Variants in MAN2B1 observed in about 807,000 individuals in gnomAD.
MAN2B1 encodes lysosomal alpha-mannosidase.
Under a neutral mutation model 127.5 loss-of-function variants are expected in MAN2B1, and 99 were observed. That is an observed-to-expected ratio of 0.78 (90% confidence interval 0.66 to 0.92). The LOEUF is 0.92. Ranked by LOEUF, MAN2B1 falls within the 40% of genes least tolerant of loss-of-function variation. The pLI is 0.00. For synonymous variants in MAN2B1, 573 were observed against 568.8 expected (o/e 1.01, Z -0.11); for missense variants, 1,304 against 1,384.8 (o/e 0.94, Z 0.93).
intron 7 of MAN2B1, chr19:12,658,798 G>GT: frequency 2.2e-6 from 1 of 453,138 alleles, no homozygotes; most frequent in South Asian, 2.1e-5. Flanking sequence ...GAAAAACTAA[G>GT]TGTGACATTA....
intron 6 of MAN2B1, among the ~76,000 whole-genome samples, chr19:12,661,827 A>G (rs2024111810): frequency 6.6e-6 from 1 of 151,254 alleles, no homozygotes; most frequent in South Asian, 2.1e-4. Context: ...GTCTCAAGAA[A>G]AAAAAAAAAA....
chr19:12,647,401 C>G lies in MAN2B1; in HGVS notation c.2820+42G>C. On this transcript the variant is annotated intron_variant, in intron 22 of 23. Coordinates refer to ENST00000456935, the MANE Select transcript of MAN2B1 (RefSeq NM_000528.4). This position sits in a 1 kb window ranked among gnomAD's most constrained non-coding sequence, Gnocchi z 4.9. ...CCAGGTTTCTCTTCTCTCCCTCTCT[C>G]TTGCCTCTCTCCGATCTCCTTCTCA... The G allele has an allele frequency of 6.2e-7, 1 of 1,613,074 alleles. No homozygotes were observed. Among genetic ancestry groups the G allele is most frequent in the Non-Finnish European group, 8.5e-7 (1 of 1,179,000 alleles).
At chr19:12,657,597 A>G (rs1299720670) in intron 10 of MAN2B1, 42 bp from the exon 11 acceptor site, 2 of 1,502,642 alleles carry the variant, frequency 1.3e-6, no homozygotes, top group Non-Finnish European at 1.8e-6. Flanking sequence ...TGTGGGACTC[A>G]GCTGAGACCC....
At chr19:12,651,736 C>T (rs2023844384) in intron 16 of MAN2B1, among the ~76,000 whole-genome samples, 1 of 152,154 alleles carries the variant, frequency 6.6e-6, no homozygotes, top group African/African-American at 2.4e-5. Context: ...CCCTGAGACT[C>T]ACCCAAACCC....
chr19:12,647,496 C>T lies in MAN2B1; in HGVS notation c.2767G>A (p.Val923Ile), dbSNP rs755553683. The change falls in exon 22 of 24, where the codon GTA becomes ATA. Residue 923 changes from valine (V) to isoleucine (I), a missense_variant. Physicochemically the swap from Val to Ile is conservative, Grantham distance 29. Transcript: ENST00000456935. This position sits in a 1 kb window ranked among gnomAD's most constrained non-coding sequence, Gnocchi z 4.9. ...AGGTTACGTCCGGAATCCTCTCCTA[C>T]GGCAAACTGGTGCTCCAAGCGCAGC... Reference protein sequence around the residue: ...VLLRLEHQFAVGEDSGRNLSA... With the variant: ...VLLRLEHQFAIGEDSGRNLSA... 30 of 1,614,130 alleles carry T rather than the reference C, an allele frequency of 1.9e-5. No homozygotes were observed. The highest frequency in any genetic ancestry group is 1.6e-4 in the East Asian group (7 of 44,896).
chr19:12,666,722 G>C lies in MAN2B1; in HGVS notation c.-21C>G. On this transcript the variant is annotated 5_prime_UTR_variant, in exon 1 of 24. Coordinates refer to ENST00000456935, the MANE Select transcript of MAN2B1 (RefSeq NM_000528.4). ...CCCATGGCTCAGCAGCTTCCTCCTG[G>C]GGTTCCCCGGCCCTGGAAAGGCCGG... The C allele has an allele frequency of 1.9e-6, 3 of 1,546,076 alleles. No individual in the cohort carries two copies. Among genetic ancestry groups the C allele is most frequent in the Non-Finnish European group, 2.6e-6 (3 of 1,146,028 alleles).
Position 12,649,420 on chromosome 19 carries a change from T to A in MAN2B1, c.2276A>T (p.Tyr759Phe). Residue 759 changes from tyrosine to phenylalanine, a missense_variant, in exon 19 of 24, where the codon TAT becomes TTT. By Grantham distance (22) the Tyr-to-Phe change is conservative. Transcript: ENST00000456935. ...CTGGTTCAGTTTCCAGGTGGGTCGA[T>A]AATCCCGCCTGGGGTTGGGGGTGAG... ...GREILERRRDYRPTWKLNQTE... is the reference protein window; with the variant it reads ...GREILERRRDFRPTWKLNQTE... 6.2e-7 allele frequency: 1 copy of A among 1,607,152 alleles called. No homozygotes were observed. Among genetic ancestry groups the A allele is most frequent in the Non-Finnish European group, 8.5e-7 (1 of 1,176,470 alleles).
chr19:12,658,390 A>G, intron 8 of MAN2B1, 38 bp downstream of exon 8: 1 of 1,614,242 alleles, frequency 6.2e-7, no homozygotes, highest in Non-Finnish European at 8.5e-7. Flanking sequence ...CCCACGGGGC[A>G]TGCCAACCCC....
Position 12,665,760 on chromosome 19 carries a change from G to T in MAN2B1, c.205C>A (p.Pro69Thr). ...CAGCCCACGTCATCATGTGTGTGAG[G>T]CAGCAGGTGCACGTTCAGCATGTTC... ...QPNMLNVHLL[P>T]HTHDDVGWLK... Residue 69 changes from proline to threonine, a missense_variant, in exon 2 of 24, where the codon CCT becomes ACT. Coordinates refer to ENST00000456935, the MANE Select transcript of MAN2B1 (RefSeq NM_000528.4). 1 of 1,614,144 alleles carries T rather than the reference G, an allele frequency of 6.2e-7. No individual in the cohort carries two copies.
At chr19:12,666,141 T>TA (rs1362461779) in intron 1 of MAN2B1, among the ~76,000 whole-genome samples, 1 of 152,020 alleles carries the variant, frequency 6.6e-6, no homozygotes, top group East Asian at 1.9e-4. Flanking sequence ...CACTGAGGCT[T>TA]AGAGAGGATA....
At chr19:12,662,712 T>C (rs2024136499) in intron 6 of MAN2B1, among the ~76,000 whole-genome samples, 2 of 150,122 alleles carry the variant, frequency 1.3e-5, no homozygotes, top group South Asian at 2.1e-4. Context: ...CTTTGGGAGG[T>C]TGAGGCGGGC....
rs938576591 is a variant in MAN2B1 at position 12,655,880 on chromosome 19, C to T, written c.1645-1G>A. 2.5e-6 allele frequency: 4 copies of T among 1,613,558 alleles called. No individual in the cohort carries two copies. Among genetic ancestry groups the T allele is most frequent in the Non-Finnish European group, 3.4e-6 (4 of 1,179,888 alleles). ...TGTCTGAGCTGGGAAATATTACCAC[C>T]TCGGATAAAGGAGGAGGGAAACTGA... On this transcript the variant is annotated splice_acceptor_variant, in intron 13 of 23. Coordinates refer to ENST00000456935, the MANE Select transcript of MAN2B1 (RefSeq NM_000528.4). LOFTEE classifies it high-confidence loss of function.
At position 12,648,396 on chromosome 19, in the gene MAN2B1, G is replaced by A; in HGVS notation, c.2443C>T (p.Arg815Ter). The change falls in exon 21 of 24, where the codon CGA (arginine) becomes TGA (stop). Residue 815 changes from arginine to a stop codon, truncating the protein, a stop_gained. Coordinates refer to ENST00000456935, the MANE Select transcript of MAN2B1 (RefSeq NM_000528.4). LOFTEE classifies it high-confidence loss of function. ...CGTCCATCGTCCTTCAGCAGCCTTC[G>A]GTGCACCTGGGGGGAGAGTGGCCAG... is the stretch of plus-strand genomic sequence containing the variant. ...RDGSLELMVH[R>*]RLLKDDGRGV... is the part of the protein sequence containing the mutation. The A allele has an allele frequency of 6.2e-7, 1 of 1,611,502 alleles. No individual in the cohort carries two copies. The highest frequency in any genetic ancestry group is 8.5e-7 in the Non-Finnish European group (1 of 1,178,436).
At chr19:12,660,721 C>T (rs1043375084) in intron 7 of MAN2B1, among the ~76,000 whole-genome samples, 1 of 150,590 alleles carries the variant, frequency 6.6e-6, no homozygotes, top group East Asian at 1.9e-4. Flanking sequence ...TTGCCAACAC[C>T]TTGATTATAG....
intron 2 of MAN2B1, 39 bp downstream of exon 2, chr19:12,665,664 C>T: frequency 6.3e-7 from 1 of 1,596,594 alleles, no homozygotes; most frequent in Non-Finnish European, 8.6e-7. Flanking sequence ...TTACAGGGAC[C>T]ATGGGGATCC....
chr19:12,662,005 C>T (rs925388133), intron 6 of MAN2B1, among the ~76,000 whole-genome samples: 2 of 152,032 alleles, frequency 1.3e-5, no homozygotes, highest in Admixed American at 6.5e-5. Flanking sequence ...CCACCACACC[C>T]GACTAATTTT....
chr19:12,648,212 C>T lies in MAN2B1; in HGVS notation c.2627G>A (p.Gly876Asp), dbSNP rs1413967043. Residue 876 changes from glycine to aspartate, a missense_variant, in exon 21 of 24, where the codon GGC (glycine) becomes GAC (aspartate). Transcript: ENST00000456935. ...AGGAGCCCCGAGATTGTAGGCGGCG[C>T]CGCCACCCGGGGCCAGCACCACCTG... ...APQVVLAPGG[G>D]AAYNLGAPPR... 6.4e-7 allele frequency: 1 copy of T among 1,563,834 alleles called. No homozygotes were observed. The highest frequency in any genetic ancestry group is 1.4e-5 in the African/African-American group (1 of 73,598).
intron 11 of MAN2B1, 109 bp downstream of exon 11, chr19:12,657,337 C>G: frequency 9.4e-7 from 1 of 1,062,770 alleles, no homozygotes; most frequent in Non-Finnish European, 1.4e-6. Flanking sequence ...GTAGCCCCGC[C>G]ACAGGGCTCT....
chr19:12,654,412 C>T (rs2023913808), intron 14 of MAN2B1, among the ~76,000 whole-genome samples: 1 of 152,108 alleles, frequency 6.6e-6, no homozygotes, highest in Non-Finnish European at 1.5e-5. Context: ...CAACCCCTTC[C>T]AGGTCCCTGC....
Sources: gnomAD v4.1 joint callset for allele counts (sites outside exome capture counted in the v4.1 genomes callset) on GRCh38, gnomAD v4.1.1 for gene constraint, Gnocchi (gnomAD v3.1) non-coding constraint, MANE v1.5 for transcripts, NCBI Gene and HGNC (gene_info 2026-07-23, HGNC 2026-07-21) for gene names.